DPP6: variants seen among roughly 807,000 people sequenced by gnomAD.
DPP6 encodes the protein dipeptidyl peptidase like 6.
In DPP6, 69 loss-of-function variants were observed where a neutral mutation model predicts 122.6. That is an observed-to-expected ratio of 0.56 (90% CI 0.46 to 0.69). The LOEUF (loss-of-function observed/expected upper bound fraction) is 0.69. Ranked by LOEUF, DPP6 falls within the 30% of genes least tolerant of loss-of-function variation. DPP6 has a pLI of 0.00. For missense variants in DPP6, 928 were observed against 1,116.9 expected, an observed-to-expected ratio of 0.83 and a Z score of 2.41; for synonymous variants, 418 against 433.1, an observed-to-expected ratio of 0.97 and a Z score of 0.43.
At chr7:154,850,099 T>G (rs924069252) in intron 16 of DPP6, among the ~76,000 whole-genome samples, 4 of 152,188 alleles carry the variant, frequency 2.6e-5, no homozygotes, top group Non-Finnish European at 5.9e-5. Context: ...CATGAGTAAG[T>G]TATTTAGTGG....
intron 1 of DPP6, among the ~76,000 whole-genome samples, chr7:154,060,464 C>G (rs1261990223): frequency 7.3e-6 from 1 of 137,640 alleles, no homozygotes; most frequent in Non-Finnish European, 1.6e-5. Context: ...TCTTCCCCCT[C>G]TGGCTTAGGA....
chr7:154,804,950 A>G lies in DPP6; in HGVS notation c.1533A>G (p.Arg511=). The change falls in exon 15 of 26, where the codon AGA becomes AGG. Residue 511 remains arginine (R), a synonymous_variant. Coordinates refer to ENST00000377770, the MANE Select transcript of DPP6 (RefSeq NM_130797.4). ...TGAGCACGGAGGACCTGCCTCGGAG[A>G]CGACAACTCTACAGGTAACTCCTGC... ...YFLSTEDLPR[R]RQLYSANTVG... 1.2e-6 allele frequency: 2 copies of G among 1,600,986 alleles called. No individual in the cohort carries two copies. Among genetic ancestry groups the G allele is most frequent in the Non-Finnish European group, 1.7e-6 (2 of 1,173,536 alleles).
At chr7:154,658,612 G>A (rs1040154121) in intron 6 of DPP6, among the ~76,000 whole-genome samples, 2 of 152,194 alleles carry the variant, frequency 1.3e-5, no homozygotes, top group African/African-American at 4.8e-5. Context: ...CTGAGAGTGA[G>A]GCTGATGGAG....
chr7:153,797,758 T>C, the DPP6 span, among the ~76,000 whole-genome samples: 49 of 152,282 alleles, frequency 3.2e-4, 1 homozygote, highest in Admixed American at 2.7e-3. Flanking sequence ...GTGAATTCTT[T>C]CTTCCTGGCT....
chr7:154,734,325 G>A (rs899822734), intron 8 of DPP6, among the ~76,000 whole-genome samples: 1 of 152,192 alleles, frequency 6.6e-6, no homozygotes, highest in African/African-American at 2.4e-5. Flanking sequence ...ACTGATATGT[G>A]AGGTGCTTAC....
At chr7:154,780,072 A>G (rs1796930468) in intron 10 of DPP6, among the ~76,000 whole-genome samples, 1 of 152,198 alleles carries the variant, frequency 6.6e-6, no homozygotes, top group Non-Finnish European at 1.5e-5. Context: ...CACCAGTTCA[A>G]GGAGATTGGC....
intron 1 of DPP6, among the ~76,000 whole-genome samples, chr7:153,995,313 G>C (rs541460474): frequency 6.6e-6 from 1 of 152,160 alleles, no homozygotes; most frequent in Non-Finnish European, 1.5e-5. Flanking sequence ...AGGGCTGGGC[G>C]CGGTGGCTTA....
intron 1 of DPP6, among the ~76,000 whole-genome samples, chr7:154,231,028 T>G (rs1800888581): frequency 6.6e-6 from 1 of 152,218 alleles, no homozygotes; most frequent in Non-Finnish European, 1.5e-5. Flanking sequence ...TAAGACTTCT[T>G]GAAAGATAGA....
chr7:153,804,832 C>T, the DPP6 span, among the ~76,000 whole-genome samples: 107 of 151,914 alleles, frequency 7.0e-4, no homozygotes, highest in East Asian at 0.018. Flanking sequence ...TGCAGTGAGC[C>T]GAGATTGCAC....
chr7:154,087,373 A>T (rs1453624553), intron 1 of DPP6, among the ~76,000 whole-genome samples: 2 of 152,150 alleles, frequency 1.3e-5, no homozygotes, highest in African/African-American at 4.8e-5. Context: ...AAGTAATGGG[A>T]GCTGAACTGT....
intron 1 of DPP6, among the ~76,000 whole-genome samples, chr7:153,934,504 G>A (rs1801333344): frequency 6.6e-6 from 1 of 152,124 alleles, no homozygotes; most frequent in East Asian, 1.9e-4. Context: ...TACAATATAA[G>A]CATAACTTCT....
chr7:154,065,011 G>T (rs1802590058), intron 1 of DPP6, among the ~76,000 whole-genome samples: 1 of 151,978 alleles, frequency 6.6e-6, no homozygotes, highest in Admixed American at 6.6e-5. Flanking sequence ...CCTCCTTTCA[G>T]GTCCCATTCT....
intron 1 of DPP6, among the ~76,000 whole-genome samples, chr7:154,321,442 C>T (rs910244498): frequency 6.6e-6 from 1 of 151,956 alleles, no homozygotes; most frequent in African/African-American, 2.4e-5. Flanking sequence ...AGATTTTTCA[C>T]CCTGGTTCCT....
intron 7 of DPP6, among the ~76,000 whole-genome samples, chr7:154,705,616 G>C (rs939405012): frequency 6.6e-6 from 1 of 152,198 alleles, no homozygotes; most frequent in Non-Finnish European, 1.5e-5. Context: ...TGGGGTGGCA[G>C]GGATGGAATC....
intron 1 of DPP6, among the ~76,000 whole-genome samples, chr7:154,245,503 C>T (rs988827718): frequency 4.6e-5 from 7 of 151,014 alleles, no homozygotes; most frequent in Admixed American, 1.3e-4. Flanking sequence ...GGCATGGTGG[C>T]GGGTGGCCTA....
chr7:154,243,516 C>T (rs777580462), intron 1 of DPP6, among the ~76,000 whole-genome samples: 25 of 152,058 alleles, frequency 1.6e-4, no homozygotes, highest in Non-Finnish European at 3.7e-4. Context: ...CAGAAGAGGC[C>T]GGGGCACAGT....
At chr7:153,786,445 A>G in the DPP6 span, among the ~76,000 whole-genome samples, 2 of 151,434 alleles carry the variant, frequency 1.3e-5, no homozygotes, top group East Asian at 1.9e-4. Context: ...ATACATTAAA[A>G]TGGTATACTA....
At chr7:153,861,660 A>G in the DPP6 span, among the ~76,000 whole-genome samples, 1 of 152,196 alleles carries the variant, frequency 6.6e-6, no homozygotes, top group Admixed American at 6.5e-5. Context: ...TGGCTACCCT[A>G]TGTTTATTAT....
chr7:153,889,744 T>C (rs1799105939), intron 1 of DPP6, among the ~76,000 whole-genome samples: 1 of 152,224 alleles, frequency 6.6e-6, no homozygotes, highest in African/African-American at 2.4e-5. Flanking sequence ...AGAAGTGTCA[T>C]CGGAGCAAGG....
Sources: allele counts gnomAD v4.1 joint callset (sites outside exome capture counted in the v4.1 genomes callset), GRCh38; gene constraint gnomAD v4.1.1; transcripts MANE v1.5; gene names NCBI Gene and HGNC (gene_info 2026-07-23, HGNC 2026-07-21).